The following RNF115 variants were observed in gnomAD, a reference collection of about 807,000 sequenced individuals.
The protein encoded by RNF115 is E3 ubiquitin-protein ligase RNF115.
Under a neutral mutation model 39.2 loss-of-function variants are expected in RNF115, and 31 were observed. The ratio of observed to expected loss-of-function variants is 0.79; its 90% CI spans 0.59 to 1.07. RNF115 has a LOEUF of 1.07. RNF115 is among the 50% of genes least tolerant of loss of function. The pLI is 0.00. For missense variants in RNF115, 384 were observed against 381.7 expected, an observed-to-expected ratio of 1.01 and a Z score of -0.05; for synonymous variants, 124 against 131.0, an observed-to-expected ratio of 0.95 and a Z score of 0.37.
chr1:145,771,975 G>T, intron 3 of RNF115, 56 bp from the exon 4 acceptor site: 2 of 1,405,182 alleles, frequency 1.4e-6, no homozygotes, highest in South Asian at 2.5e-5. Context: ...TAAACACCTG[G>T]ATTGTTTACA....
At chr1:145,804,532 C>A (rs1202455884) in intron 1 of RNF115, among the ~76,000 whole-genome samples, 1 of 127,048 alleles carries the variant, frequency 7.9e-6, no homozygotes, top group Non-Finnish European at 1.8e-5. Context: ...CACACACACA[C>A]AATCAGACTG....
intron 3 of RNF115, among the ~76,000 whole-genome samples, chr1:145,776,164 A>ATTTTT (rs35710154): frequency 2.5e-5 from 3 of 121,770 alleles, no homozygotes; most frequent in South Asian, 2.8e-4. Context: ...TCTGACCAAC[A>ATTTTT]TTTTTTTTTT....
rs149897674 is a variant in RNF115, at chr1:145,760,979, C to G, written c.429-7930G>C. Among the ~76,000 whole-genome samples the G allele has an allele frequency of 2.0e-4, 30 of 152,296 alleles. No individual in the cohort carries two copies. The East Asian group carries it at 5.2e-3, about 26-fold the overall frequency. On this transcript the variant is annotated intron_variant, in intron 4 of 8. Transcript: ENST00000582693. ...ATGGAGATAAGAAACTTGTTGGGAA[C>G]TGGAGCAAAGAAGACTCTTGTTATG...
chr1:145,746,827 ATGATTACCACAGCCC>A lies in RNF115; in HGVS notation c.*24_*38del, dbSNP rs782155642. On this transcript the variant is annotated 3_prime_UTR_variant, in exon 9 of 9. Coordinates refer to ENST00000582693, the MANE Select transcript of RNF115 (RefSeq NM_014455.4). ...TGATACAATTTACAGCTATGGTAAGATGATTACCACAGCCCTGATTCAGGTGTGGTCTTTAGCTTC... is the reference window on the plus strand; with the variant it reads ...TGATACAATTTACAGCTATGGTAAGATGATTCAGGTGTGGTCTTTAGCTTC... The A allele has an allele frequency of 4.1e-5, 65 of 1,598,946 alleles. No homozygotes were observed. Among genetic ancestry groups the A allele is most frequent in the Admixed American group, 1.0e-4 (6 of 58,588 alleles).
At chr1:145,783,290 A>C (rs1553717706) in intron 3 of RNF115, among the ~76,000 whole-genome samples, 1 of 152,212 alleles carries the variant, frequency 6.6e-6, no homozygotes, top group Non-Finnish European at 1.5e-5. Context: ...AAAACTCTTA[A>C]TACTGTATAT....
rs1553712001 is a variant in RNF115, at chr1:145,748,057, C to A, written c.721G>T (p.Val241Phe). ...CKEDYTVEEE[V>F]RQLPCNHFFH... is the part of the protein sequence containing the mutation. Reference sequence around the variant, plus strand: ...AAGTGATTGCAAGGTAACTGCCGGACTTCCTCTTCAACTGTGTAATCTTCT... The same window carrying A: ...AAGTGATTGCAAGGTAACTGCCGGAATTCCTCTTCAACTGTGTAATCTTCT... Residue 241 changes from valine (V) to phenylalanine (F), a missense_variant, in exon 8 of 9, where the codon GTC (valine) becomes TTC (phenylalanine). Val to Phe is a conservative substitution (Grantham distance 50). Transcript: ENST00000582693. 2 of 1,613,914 alleles carry A rather than the reference C, an allele frequency of 1.2e-6. No homozygotes were observed. Among genetic ancestry groups the A allele is most frequent in the Non-Finnish European group, 1.7e-6 (2 of 1,179,834 alleles).
intron 4 of RNF115, among the ~76,000 whole-genome samples, chr1:145,768,092 A>T (rs1189346271): frequency 6.6e-6 from 1 of 152,256 alleles, no homozygotes; most frequent in African/African-American, 2.4e-5. Context: ...GGCCTGGGCC[A>T]CACAGTGAGT....
intron 3 of RNF115, among the ~76,000 whole-genome samples, chr1:145,780,757 T>C (rs1466997234): frequency 6.6e-6 from 1 of 152,102 alleles, no homozygotes; most frequent in Non-Finnish European, 1.5e-5. Flanking sequence ...CAGAGCACCC[T>C]GCCCTCTTGT....
intron 1 of RNF115, among the ~76,000 whole-genome samples, chr1:145,789,836 G>C (rs587715168): frequency 3.3e-5 from 5 of 149,280 alleles, no homozygotes; most frequent in Non-Finnish European, 5.9e-5. Flanking sequence ...CAGCCTCCCA[G>C]GTAGGTGGGA....
intron 1 of RNF115, among the ~76,000 whole-genome samples, chr1:145,802,347 G>C (rs1649287834): frequency 6.6e-6 from 1 of 152,138 alleles, no homozygotes; most frequent in African/African-American, 2.4e-5. Context: ...CAAAGCACTA[G>C]AAATATAGGA....
At chr1:145,789,269 T>G (rs1468611068) in intron 1 of RNF115, among the ~76,000 whole-genome samples, 3 of 152,098 alleles carry the variant, frequency 2.0e-5, no homozygotes, top group Admixed American at 6.5e-5. Context: ...TACCTAATTT[T>G]TTTTATTTTT....
At chr1:145,793,715 T>A (rs1189712882) in intron 1 of RNF115, among the ~76,000 whole-genome samples, 2 of 152,056 alleles carry the variant, frequency 1.3e-5, no homozygotes, top group Non-Finnish European at 2.9e-5. Context: ...CTCTTTCACC[T>A]CCCACCACTA....
chr1:145,748,721 C>T (rs991731926), intron 7 of RNF115, among the ~76,000 whole-genome samples: 4 of 152,056 alleles, frequency 2.6e-5, no homozygotes, highest in African/African-American at 4.8e-5. Flanking sequence ...CCTGTCTCTA[C>T]TAAAAATACA....
At chr1:145,771,212 TG>T (rs1647620561) in intron 4 of RNF115, among the ~76,000 whole-genome samples, 1 of 152,234 alleles carries the variant, frequency 6.6e-6, no homozygotes, top group African/African-American at 2.4e-5. Context: ...GCCTTTATCC[TG>T]GAAGTGGATT....
chr1:145,795,229 G>C (rs183761638), intron 1 of RNF115, among the ~76,000 whole-genome samples: 1 of 151,930 alleles, frequency 6.6e-6, no homozygotes, highest in East Asian at 1.9e-4. Context: ...ACTGACTTCA[G>C]GAATGAAGCC....
chr1:145,751,353 T>C (rs1658078942), intron 6 of RNF115, 85 bp downstream of exon 6: 3 of 947,256 alleles, frequency 3.2e-6, no homozygotes, highest in South Asian at 3.0e-5. Flanking sequence ...GTGACTGCCA[T>C]TTCAGAAAGT....
intron 3 of RNF115, among the ~76,000 whole-genome samples, chr1:145,775,715 G>A (rs1433254233): frequency 1.3e-5 from 2 of 151,990 alleles, no homozygotes; most frequent in Admixed American, 6.6e-5. Flanking sequence ...TATTGTAACC[G>A]GGCGCAGTAG....
intron 1 of RNF115, among the ~76,000 whole-genome samples, chr1:145,789,181 C>A (rs1011499416): frequency 6.6e-6 from 1 of 152,042 alleles, no homozygotes; most frequent in Admixed American, 6.6e-5. Context: ...TGGCTCACTG[C>A]AGCCTCCATC....
rs35848173 is a variant in RNF115, at chr1:145,804,499, GCACACACA to G, written c.103-15541_103-15534del. 2.7e-3 allele frequency among the ~76,000 whole-genome samples: 399 copies of G among 148,388 alleles called. 2 individuals carry two copies. The highest frequency in any genetic ancestry group is 3.9e-3 in the South Asian group (18 of 4,626). On this transcript the variant is annotated intron_variant, in intron 1 of 8. Coordinates refer to ENST00000582693, the MANE Select transcript of RNF115 (RefSeq NM_014455.4). ...GTCCACCTTAAATGCATGCATGCATGCACACACACACACACACACACACACACACACAC... is the reference window on the plus strand; with the variant it reads ...GTCCACCTTAAATGCATGCATGCATGCACACACACACACACACACACACAC...
Sources: allele counts gnomAD v4.1 joint callset (sites outside exome capture counted in the v4.1 genomes callset), GRCh38; gene constraint gnomAD v4.1.1; transcripts MANE v1.5; gene names NCBI Gene and HGNC (gene_info 2026-07-23, HGNC 2026-07-21).